Variants in SPATA17 observed in about 807,000 individuals in gnomAD.
SPATA17 encodes spermatogenesis associated 17.
SPATA17 carries 53 observed loss-of-function variants against 62.2 expected under a neutral mutation model. That is an observed-to-expected ratio of 0.85 (90% CI 0.68 to 1.07). The LOEUF (loss-of-function observed/expected upper bound fraction) is 1.07, where lower values mean the gene tolerates loss of function less well. SPATA17 is among the 50% of genes least tolerant of loss of function. The probability of loss-of-function intolerance (pLI) is 0.00; values close to 1 mark genes in which losing one functional copy is unlikely to be tolerated. For missense variants in SPATA17, 466 were observed against 425.5 expected, an observed-to-expected ratio of 1.10 and a Z score of -0.84; for synonymous variants, 146 against 146.8, an observed-to-expected ratio of 0.99 and a Z score of 0.04.
rs115658727 is a variant in SPATA17 at position 217,812,132 on chromosome 1, G to A, written c.1005+10282G>A. On this transcript the variant is annotated intron_variant, in intron 9 of 10. Transcript: ENST00000366933. ...ACTCTTCCCATTATATTTTAAGATTGTCTATGTAGAAATCTTTCATTCACT... is the reference window on the plus strand; with the variant it reads ...ACTCTTCCCATTATATTTTAAGATTATCTATGTAGAAATCTTTCATTCACT... Among the ~76,000 whole-genome samples, 332 of 152,148 alleles carry A rather than the reference G, an allele frequency of 2.2e-3. 4 individuals carry two copies. Among genetic ancestry groups the A allele is most frequent in the African/African-American group, 7.7e-3 (321 of 41,526 alleles).
At chr1:217,681,435 G>A (rs911295623) in intron 4 of SPATA17, among the ~76,000 whole-genome samples, 3 of 151,662 alleles carry the variant, frequency 2.0e-5, no homozygotes, top group African/African-American at 7.3e-5. Flanking sequence ...GTGCAGTGGT[G>A]CAATCTCGGC....
At chr1:217,656,921 T>C (rs999484301) in intron 3 of SPATA17, among the ~76,000 whole-genome samples, 4 of 152,196 alleles carry the variant, frequency 2.6e-5, no homozygotes, top group Non-Finnish European at 5.9e-5. Context: ...AAAATCCTTA[T>C]ATATTGAGCT....
At chr1:217,746,627 A>G (rs1672759141) in intron 6 of SPATA17, among the ~76,000 whole-genome samples, 1 of 151,778 alleles carries the variant, frequency 6.6e-6, no homozygotes, top group Admixed American at 6.6e-5. Flanking sequence ...GCTGATTGCA[A>G]AGTTTTAAAG....
chr1:217,736,851 G>A (rs567827847), intron 5 of SPATA17, among the ~76,000 whole-genome samples: 1 of 152,300 alleles, frequency 6.6e-6, no homozygotes, highest in Admixed American at 6.5e-5. Flanking sequence ...TAAGACATTT[G>A]TGGTGGCAAA....
chr1:217,847,277 A>G (rs1230157506), intron 9 of SPATA17, among the ~76,000 whole-genome samples: 1 of 152,088 alleles, frequency 6.6e-6, no homozygotes, highest in Non-Finnish European at 1.5e-5. Flanking sequence ...AATTAGTTAT[A>G]TTTATGTGTG....
At chr1:217,674,975 A>G (rs529734636) in intron 4 of SPATA17, among the ~76,000 whole-genome samples, 1 of 152,258 alleles carries the variant, frequency 6.6e-6, no homozygotes, top group South Asian at 2.1e-4. Context: ...ACCAATTGGG[A>G]AAGGGTAGGC....
At chr1:217,816,081 T>G (rs1275124201) in intron 9 of SPATA17, among the ~76,000 whole-genome samples, 1 of 152,126 alleles carries the variant, frequency 6.6e-6, no homozygotes, top group Non-Finnish European at 1.5e-5. Flanking sequence ...TTACAAAAGA[T>G]GTACACACAT....
intron 4 of SPATA17, among the ~76,000 whole-genome samples, chr1:217,674,979 G>C (rs540198679): frequency 6.6e-6 from 1 of 152,136 alleles, no homozygotes; most frequent in Non-Finnish European, 1.5e-5. Flanking sequence ...ATTGGGAAAG[G>C]GTAGGCAAAC....
In SPATA17 at chr1:217,774,324, T is replaced by C; in HGVS notation, c.520-10T>C. 1 of 1,603,004 alleles carries C rather than the reference T, an allele frequency of 6.2e-7. No homozygotes were observed. The highest frequency in any genetic ancestry group is 1.1e-5 in the South Asian group (1 of 88,894). ...AAAGAAAAAATCAAAATTGCTTTCT[T>C]CTTCTTTAGATTCCAGGAATATACA... On this transcript the variant is annotated splice_polypyrimidine_tract_variant and intron_variant, in intron 6 of 10. Coordinates refer to ENST00000366933, the MANE Select transcript of SPATA17 (RefSeq NM_138796.4).
chr1:217,770,978 A>AATTTTTTTTTTTTTTTTTTTTTTT lies in SPATA17; in HGVS notation c.520-3356_520-3355insATTTTTTTTTTTTTTTTTTTTTTT, dbSNP rs1553251071. On this transcript the variant is annotated intron_variant, in intron 6 of 10. Transcript: ENST00000366933. ...ATGTATCTATTATATAACTCATTGC[A>AATTTTTTTTTTTTTTTTTTTTTTT]TTTTTTTTTTTTTTTTTTTTTTTTT... is the stretch of plus-strand genomic sequence containing the variant. 7.2e-4 allele frequency among the ~76,000 whole-genome samples: 36 copies of AATTTTTTTTTTTTTTTTTTTTTTT among 50,166 alleles called. 6 individuals carry two copies. The highest frequency in any genetic ancestry group is 0.04 in the Middle Eastern group (2 of 50). 32.9% of individuals were successfully genotyped at this position (50,166 alleles called of 152,430 possible).
At chr1:217,788,819 T>G (rs540871170) in intron 8 of SPATA17, among the ~76,000 whole-genome samples, 2 of 152,306 alleles carry the variant, frequency 1.3e-5, no homozygotes, top group South Asian at 4.1e-4. Context: ...AATAATATTG[T>G]TTAAGCCACC....
At chr1:217,732,242 A>G (rs1364488038) in intron 5 of SPATA17, among the ~76,000 whole-genome samples, 6 of 152,202 alleles carry the variant, frequency 3.9e-5, no homozygotes, top group African/African-American at 1.4e-4. Flanking sequence ...AAAACTCATT[A>G]GATAATTTCT....
At chr1:217,683,144 C>A in intron 4 of SPATA17, 114 bp from the exon 5 acceptor site, 2 of 619,740 alleles carry the variant, frequency 3.2e-6, no homozygotes, top group Non-Finnish European at 5.4e-6. Flanking sequence ...TGGAAAAGCC[C>A]AAGACTTTAT....
chr1:217,871,209 T>C lies in SPATA17; in HGVS notation c.*4190T>C, dbSNP rs908074294. The C allele has an allele frequency of 1.3e-5, 2 of 152,178 alleles. No individual in the cohort carries two copies. Among genetic ancestry groups the C allele is most frequent in the Admixed American group, 1.3e-4 (2 of 15,262 alleles). 9.4% of individuals were successfully genotyped at this position (152,178 alleles called of 1,614,324 possible). ...AAACTTTGGTATAATTGGTTATTTA[T>C]GCAATGTATTGTTGTGGTTGTCAAC... On this transcript the variant is annotated 3_prime_UTR_variant, in exon 11 of 11. Coordinates refer to ENST00000366933, the MANE Select transcript of SPATA17 (RefSeq NM_138796.4).
chr1:217,844,206 A>AT (rs1186642596), intron 9 of SPATA17, among the ~76,000 whole-genome samples: 1 of 152,144 alleles, frequency 6.6e-6, no homozygotes, highest in African/African-American at 2.4e-5. Flanking sequence ...ATATGCAAGT[A>AT]TATCATAGGC....
At chr1:217,752,492 T>C (rs1443429233) in intron 6 of SPATA17, among the ~76,000 whole-genome samples, 1 of 152,208 alleles carries the variant, frequency 6.6e-6, no homozygotes, top group Non-Finnish European at 1.5e-5. Flanking sequence ...TCATACTCTT[T>C]GATTGCTTCT....
intron 5 of SPATA17, among the ~76,000 whole-genome samples, chr1:217,699,025 A>C (rs1671531072): frequency 6.6e-6 from 1 of 152,192 alleles, no homozygotes; most frequent in Non-Finnish European, 1.5e-5. Flanking sequence ...TTCCCTAAAA[A>C]TGTGCTCAAG....
intron 1 of SPATA17, among the ~76,000 whole-genome samples, chr1:217,642,550 A>G (rs183395241): frequency 5.9e-5 from 9 of 152,150 alleles, no homozygotes; most frequent in African/African-American, 1.9e-4. Flanking sequence ...ACCAGATCTC[A>G]TCTCGAATTG....
chr1:217,853,771 A>G (rs1460659406), intron 9 of SPATA17, among the ~76,000 whole-genome samples: 1 of 152,192 alleles, frequency 6.6e-6, no homozygotes, highest in African/African-American at 2.4e-5. Context: ...ACTGACATAT[A>G]TTTTGACTCA....
Sources: allele counts gnomAD v4.1 joint callset (sites outside exome capture counted in the v4.1 genomes callset), GRCh38; gene constraint gnomAD v4.1.1; transcripts MANE v1.5; gene names NCBI Gene and HGNC (gene_info 2026-07-23, HGNC 2026-07-21).